The following TRIM68 variants were observed in gnomAD, a reference collection of about 807,000 sequenced individuals.
TRIM68 encodes E3 ubiquitin-protein ligase TRIM68.
In TRIM68, 36 loss-of-function variants were observed where a neutral mutation model predicts 41.9. The observed-to-expected ratio is 0.86, with a 90% CI of 0.66 to 1.14. The LOEUF is 1.14. Ranked by LOEUF, TRIM68 falls within the 50% of genes most tolerant of loss-of-function variation. The probability of loss-of-function intolerance (pLI) is 0.00; values close to 1 mark genes in which losing one functional copy is unlikely to be tolerated. For missense variants in TRIM68, 632 were observed against 605.1 expected, an observed-to-expected ratio of 1.04 and a Z score of -0.47; for synonymous variants, 225 against 224.6, an observed-to-expected ratio of 1.00 and a Z score of -0.02.
At chr11:4,601,269 G>T (rs995198918) in intron 5 of TRIM68, 142 bp from the exon 6 acceptor site, 1 of 696,782 alleles carries the variant, frequency 1.4e-6, no homozygotes, top group African/African-American at 1.8e-5. Context: ...TTATTTGGCT[G>T]AGCCTCAAGC....
chr11:4,605,483 C>G lies in TRIM68; in HGVS notation c.22G>C (p.Glu8Gln), dbSNP rs981842102. 6.2e-7 allele frequency: 1 copy of G among 1,608,718 alleles called. No homozygotes were observed. Among genetic ancestry groups the G allele is most frequent in the Non-Finnish European group, 8.5e-7 (1 of 1,175,806 alleles). The stretch of plus-strand genomic sequence containing the variant: ...CAGGCCACTTCTTCCACAATGGCTT[C>G]CACCAAGGCTGTGGGATCCATGGTT... MDPTALV[E>Q]AIVEEVACPI... is the part of the protein sequence containing the mutation. The change falls in exon 2 of 7, where the codon GAA becomes CAA. Residue 8 changes from glutamate to glutamine, a missense_variant. Glu to Gln is a conservative substitution (Grantham distance 29). Transcript: ENST00000300747.
In TRIM68 at chr11:4,601,660, A is replaced by G. The variant is rs1846491066; in HGVS notation, c.806+4T>C. 6.2e-7 allele frequency: 1 copy of G among 1,613,992 alleles called. No homozygotes were observed. The highest frequency in any genetic ancestry group is 1.3e-5 in the African/African-American group (1 of 74,892). Reference sequence around the variant, plus strand: ...GCTTAGAGGCTCCAAGGGTGAGAACATACCTGTTTAACACTTCCTGAATAT... The same window carrying G: ...GCTTAGAGGCTCCAAGGGTGAGAACGTACCTGTTTAACACTTCCTGAATAT... On this transcript the variant is annotated splice_donor_region_variant and intron_variant, in intron 5 of 6. Transcript: ENST00000300747.
chr11:4,601,998 G>C, intron 4 of TRIM68, 154 bp downstream of exon 4: 1 of 1,144,678 alleles, frequency 8.7e-7, no homozygotes, highest in Non-Finnish European at 1.2e-6. Context: ...GCCAGGGATA[G>C]GGAAACAGCA....
At chr11:4,607,980 T>C (rs10768113) in intron 1 of TRIM68, 47 bp downstream of exon 1, 119,995 of 152,326 alleles carry the variant, frequency 0.79, 51,699 homozygotes, top group East Asian at 1. Context: ...GGGGGTAAAG[T>C]GAGCGTGCGG....
At chr11:4,601,358 A>C in intron 5 of TRIM68, 1 of 595,078 alleles carries the variant, frequency 1.7e-6, no homozygotes, top group Non-Finnish European at 3.0e-6. Context: ...CTGGGAGAGG[A>C]AGAAGTGCAC....
At chr11:4,605,965 C>G (rs1846562735) in intron 1 of TRIM68, among the ~76,000 whole-genome samples, 1 of 152,178 alleles carries the variant, frequency 6.6e-6, no homozygotes. Context: ...TACCTCCAGC[C>G]TCACTCTCTG....
chr11:4,601,140 G>A lies in TRIM68; in HGVS notation c.807-13C>T. 6.2e-7 allele frequency: 1 copy of A among 1,608,748 alleles called. No homozygotes were observed. Among genetic ancestry groups the A allele is most frequent in the African/African-American group, 1.3e-5 (1 of 74,944 alleles). On this transcript the variant is annotated splice_polypyrimidine_tract_variant and intron_variant, in intron 5 of 6. Transcript: ENST00000300747. ...CCAAGATTTGCTCCTGGTAGAGGAG[G>A]GTGAACCTCAGGGCCAGGAGTCCCG...
At position 4,599,712 on chromosome 11, in the gene TRIM68, C is replaced by T. The variant is rs79560458; in HGVS notation, c.*564G>A. On this transcript the variant is annotated 3_prime_UTR_variant, in exon 7 of 7. Transcript: ENST00000300747. ...TGGGGTGGCTTGGGCAGGTCTGTGT[C>T]CCCCTGCTGCACTGAATTTCTCTTG... The T allele has an allele frequency of 0.038, 5,734 of 152,540 alleles. 140 individuals are homozygous for T. The highest frequency in any genetic ancestry group is 0.061 in the Non-Finnish European group (4,151 of 68,330). The allele number at this position is 152,540 out of a possible 1,614,324, so 9.4% of individuals were successfully genotyped here.
intron 1 of TRIM68, among the ~76,000 whole-genome samples, chr11:4,607,218 C>G (rs1035095849): frequency 6.6e-6 from 1 of 152,216 alleles, no homozygotes; most frequent in Non-Finnish European, 1.5e-5. Flanking sequence ...GCCATGTATT[C>G]GTCTATTGTC....
intron 3 of TRIM68, 93 bp from the exon 4 acceptor site, chr11:4,602,505 AC>A: frequency 6.7e-7 from 1 of 1,503,138 alleles, no homozygotes; most frequent in South Asian, 1.3e-5. Flanking sequence ...CTGCAATGGT[AC>A]CAACCACGTG....
At chr11:4,602,435 A>C in intron 3 of TRIM68, 23 bp from the exon 4 acceptor site, 1 of 1,610,564 alleles carries the variant, frequency 6.2e-7, no homozygotes, top group Non-Finnish European at 8.5e-7. Flanking sequence ...GATGGAAATC[A>C]GCACTGATAC....
At chr11:4,603,453 G>T in intron 2 of TRIM68, 113 bp from the exon 3 acceptor site, 1 of 901,342 alleles carries the variant, frequency 1.1e-6, no homozygotes. Flanking sequence ...TGAAGGCTGT[G>T]GGGAAAGGGA....
At position 4,601,113 on chromosome 11, in the gene TRIM68, C is replaced by A; in HGVS notation, c.821G>T (p.Ser274Ile). Residue 274 changes from serine (S) to isoleucine (I), a missense_variant, in exon 6 of 7, where the codon AGC becomes ATC. By Grantham distance (142) the Ser-to-Ile change is moderately radical (BLOSUM62 -2). Coordinates refer to ENST00000300747, the MANE Select transcript of TRIM68 (RefSeq NM_018073.8). ...QEVLNRSKSWSLQQPEPISLE... is the reference protein window; with the variant it reads ...QEVLNRSKSWILQQPEPISLE... ...GGAGATTGGTTCTGGCTGCTGCAAG[C>A]TCCAAGATTTGCTCCTGGTAGAGGA... 6.2e-7 allele frequency: 1 copy of A among 1,614,194 alleles called. No individual in the cohort carries two copies. The highest frequency in any genetic ancestry group is 8.5e-7 in the Non-Finnish European group (1 of 1,179,996).
rs1179755886 is a variant in TRIM68, at chr11:4,600,437, C to T, written c.1297G>A (p.Asp433Asn). ...TCAGTCACATTGTAGAAAGAAATGT[C>T]ATGGGCCTCATAATCCACGAAGATT... ...VGIFVDYEAH[D>N]ISFYNVTDCG... Residue 433 changes from aspartate to asparagine, a missense_variant, in exon 7 of 7, where the codon GAC becomes AAC. Transcript: ENST00000300747. 6.2e-7 allele frequency: 1 copy of T among 1,613,802 alleles called. No individual in the cohort carries two copies. The highest frequency in any genetic ancestry group is 2.2e-5 in the East Asian group (1 of 44,874).
rs751617436 is a variant in TRIM68, at chr11:4,600,248, A to G, written c.*28T>C. The G allele has an allele frequency of 5.9e-6, 9 of 1,530,386 alleles. No individual in the cohort carries two copies. The East Asian group carries it at 1.6e-4, about 27-fold the overall frequency. 94.8% of individuals were successfully genotyped at this position (1,530,386 alleles called of 1,614,324 possible). ...CCCATGGGGGCCAGGCCCAATTCCAAGCCTCTCTGGTTAGGGTGGTAGCTT... is the reference window on the plus strand; with the variant it reads ...CCCATGGGGGCCAGGCCCAATTCCAGGCCTCTCTGGTTAGGGTGGTAGCTT... On this transcript the variant is annotated 3_prime_UTR_variant, in exon 7 of 7. Transcript: ENST00000300747.
chr11:4,602,514 G>A (rs539014557), intron 3 of TRIM68, 102 bp from the exon 4 acceptor site: 138 of 1,455,824 alleles, frequency 9.5e-5, no homozygotes, highest in Non-Finnish European at 1.2e-4. Context: ...TACCAACCAC[G>A]TGACAGGCTA....
rs773567697 is a variant in TRIM68, at chr11:4,600,564, G to A, written c.1170C>T (p.His390=). ...TCAGCCTTATCACCCAGAATCCATA[G>A]TGGGGGGATAAGTAGACCACCTCCT... ...DRKEVVYLSP[H]YGFWVIRLRK... Residue 390 remains histidine, a synonymous_variant, in exon 7 of 7, where the codon CAC becomes CAT. Transcript: ENST00000300747. 1 of 1,614,116 alleles carries A rather than the reference G, an allele frequency of 6.2e-7. No homozygotes were observed. The highest frequency in any genetic ancestry group is 1.7e-5 in the Admixed American group (1 of 60,022).
Position 4,600,189 on chromosome 11 carries a change from AG to A in TRIM68, c.*86del, listed in dbSNP as rs965420216. ...TGGATACTGGGCTCAGCTCAGTTTC[AG>A]GGGATACCTGTCAGTGGCTCGGTCC... On this transcript the variant is annotated 3_prime_UTR_variant, in exon 7 of 7. Coordinates refer to ENST00000300747, the MANE Select transcript of TRIM68 (RefSeq NM_018073.8). The A allele has an allele frequency of 1.5e-6, 2 of 1,350,040 alleles. No homozygotes were observed. The highest frequency in any genetic ancestry group is 2.0e-6 in the Non-Finnish European group (2 of 992,680). 83.6% of individuals were successfully genotyped at this position (1,350,040 alleles called of 1,614,324 possible). A position where few individuals can be genotyped will look rare whatever the true frequency, so the allele number is the denominator to read the frequency against.
At chr11:4,606,679 G>A (rs899962888) in intron 1 of TRIM68, among the ~76,000 whole-genome samples, 7 of 152,234 alleles carry the variant, frequency 4.6e-5, no homozygotes, top group Non-Finnish European at 1.0e-4. Context: ...CATGAATTAA[G>A]TTGGTTTATT....
Sources: gnomAD v4.1 joint callset for allele counts (sites outside exome capture counted in the v4.1 genomes callset) on GRCh38, gnomAD v4.1.1 for gene constraint, MANE v1.5 for transcripts, NCBI Gene and HGNC (gene_info 2026-07-23, HGNC 2026-07-21) for gene names.